CASZ1: variants seen among roughly 807,000 people sequenced by gnomAD.
The protein encoded by CASZ1 is zinc finger protein castor homolog 1.
A neutral mutation model predicts 135.2 loss-of-function variants in CASZ1; 28 were observed. That is an observed-to-expected ratio of 0.21 (90% CI 0.15 to 0.28). The LOEUF (loss-of-function observed/expected upper bound fraction) is 0.28. Among genes scored for constraint, CASZ1 ranks in the 10% least tolerant of loss-of-function variants. The pLI is 1.00. For synonymous variants in CASZ1, 1,068 were observed against 1,073.4 expected (o/e 0.99, Z 0.10); for missense variants, 2,161 against 2,453.3 (o/e 0.88, Z 2.52).
chr1:10,654,290 G>A (rs1642712741), intron 10 of CASZ1, 72 bp from the exon 11 acceptor site: 8 of 1,585,210 alleles, frequency 5.0e-6, no homozygotes, highest in African/African-American at 1.3e-5. Context: ...GGCCCTGGGA[G>A]GGACAGTCCC....
At chr1:10,742,899 T>C (rs1639951117) in intron 2 of CASZ1, among the ~76,000 whole-genome samples, 1 of 151,840 alleles carries the variant, frequency 6.6e-6, no homozygotes, top group South Asian at 2.1e-4. Flanking sequence ...ATGGGAGAAT[T>C]GCTTGAACCC....
rs771588767 is a variant in CASZ1 at position 10,643,166 on chromosome 1, G to C, written c.4014C>G (p.Pro1338=). The C allele has an allele frequency of 4.3e-6, 7 of 1,610,924 alleles. No individual in the cohort carries two copies. The East Asian group carries it at 6.7e-5, about 15-fold the overall frequency. ...ACCTGGGGGGGGCTCTCACCTGGGA[G>C]GGGGGCACGCGGTCGAAGTTCTTCC... ...MLGKNFDRVP[P]SQGPPGLMDA... The change falls in exon 19 of 21, where the codon CCC becomes CCG. Residue 1338 remains proline, a synonymous_variant. Coordinates refer to ENST00000377022, the MANE Select transcript of CASZ1 (RefSeq NM_001079843.3).
rs1643263949 is a variant in CASZ1 at position 10,667,208 on chromosome 1, C to A, written c.17-1637G>T. 7.2e-5 allele frequency among the ~76,000 whole-genome samples: 11 copies of A among 152,358 alleles called. No individual in the cohort carries two copies. In the South Asian group the frequency reaches 2.3e-3, roughly 32 times the overall value. ...TTGACTCATACGCACAGATAACCGTCCCCTGATAGACACAGTGCCTGGCCG... is the reference window on the plus strand; with the variant it reads ...TTGACTCATACGCACAGATAACCGTACCCTGATAGACACAGTGCCTGGCCG... On this transcript the variant is annotated intron_variant, in intron 4 of 20. Coordinates refer to ENST00000377022, the MANE Select transcript of CASZ1 (RefSeq NM_001079843.3).
Position 10,647,956 on chromosome 1 carries a change from G to T in CASZ1, c.3342C>A (p.Pro1114=), listed in dbSNP as rs1305320427. 3 of 1,611,588 alleles carry T rather than the reference G, an allele frequency of 1.9e-6. No homozygotes were observed. The highest frequency in any genetic ancestry group is 3.3e-5 in the Admixed American group (2 of 59,918). The change falls in exon 16 of 21, where the codon CCC becomes CCA. Residue 1114 remains proline (P), a synonymous_variant. Transcript: ENST00000377022. This position sits in a 1 kb window ranked among gnomAD's most constrained non-coding sequence, Gnocchi z 4.9. ...APSPASVPST[P]TLLAWKQLAS... Reference sequence around the variant, plus strand: ...CCAGCTGCTTCCAGGCGAGCAGGGTGGGGGTGGAGGGCACGGAGGCCGGGC... The same window carrying T: ...CCAGCTGCTTCCAGGCGAGCAGGGTTGGGGTGGAGGGCACGGAGGCCGGGC...
In CASZ1 at chr1:10,775,843, C is replaced by T. The variant is rs1640652981; in HGVS notation, c.-233-14986G>A. Among the ~76,000 whole-genome samples the T allele has an allele frequency of 1.3e-5, 2 of 152,066 alleles. 1 individual carries two copies. The highest frequency in any genetic ancestry group is 4.1e-4 in the South Asian group (2 of 4,830). On this transcript the variant is annotated intron_variant, in intron 1 of 20. Coordinates refer to ENST00000377022, the MANE Select transcript of CASZ1 (RefSeq NM_001079843.3). ...TCTGCCAGCTCTGTGTGTGACATGC[C>T]CTCCTACACCTAGACTCATTCATGC...
rs1361484460 is a variant in CASZ1 at position 10,735,609 on chromosome 1, C to T, written c.-77+25092G>A. Reference sequence around the variant, plus strand: ...CAAGTGCCACGGACAGAAGTTTTGCCTTTACCCATCCCAAATGACTCTCCC... The same window carrying T: ...CAAGTGCCACGGACAGAAGTTTTGCTTTTACCCATCCCAAATGACTCTCCC... On this transcript the variant is annotated intron_variant, in intron 2 of 20. Coordinates refer to ENST00000377022, the MANE Select transcript of CASZ1 (RefSeq NM_001079843.3). The surrounding 1 kb of genome is among the most constrained non-coding windows in gnomAD (Gnocchi z 5.1). Among the ~76,000 whole-genome samples, 2 of 152,214 alleles carry T rather than the reference C, an allele frequency of 1.3e-5. No individual in the cohort carries two copies. Among genetic ancestry groups the T allele is most frequent in the African/African-American group, 2.4e-5 (1 of 41,456 alleles).
At chr1:10,662,275 GCTCA>G (rs57310527) in intron 5 of CASZ1, among the ~76,000 whole-genome samples, 1 of 93,582 alleles carries the variant, frequency 1.1e-5, no homozygotes, top group Non-Finnish European at 2.1e-5. Context: ...ACAGTCACAT[GCTCA>G]CAATCACATA....
chr1:10,691,777 T>A (rs1009451206), intron 4 of CASZ1, among the ~76,000 whole-genome samples: 1 of 152,098 alleles, frequency 6.6e-6, no homozygotes, highest in Admixed American at 6.5e-5. Context: ...CCTTTTTTGG[T>A]GAAGTGGGGG....
Position 10,715,865 on chromosome 1 carries a change from C to T in CASZ1, c.-76-10321G>A, listed in dbSNP as rs189808906. Among the ~76,000 whole-genome samples, 726 of 128,062 alleles carry T rather than the reference C, an allele frequency of 5.7e-3. 63 individuals are homozygous for T. Among genetic ancestry groups the T allele is most frequent in the African/African-American group, 0.019 (561 of 29,776 alleles). The allele number at this position is 128,062 out of a possible 152,430, so 84.0% of individuals were successfully genotyped here. A position where few individuals can be genotyped will look rare whatever the true frequency, so the allele number is the denominator to read the frequency against. ...AATCCACTCCCCGCAGCACCCAATC[C>T]TCTCCCGGCAGCACCCAATCCACAC... is the stretch of plus-strand genomic sequence containing the variant. On this transcript the variant is annotated intron_variant, in intron 2 of 20. Coordinates refer to ENST00000377022, the MANE Select transcript of CASZ1 (RefSeq NM_001079843.3).
chr1:10,643,368 C>T, intron 18 of CASZ1, 57 bp from the exon 19 acceptor site: 1 of 1,588,480 alleles, frequency 6.3e-7, no homozygotes, highest in East Asian at 2.3e-5. Context: ...TCATGGCTTC[C>T]AGGTCCTGTT....
intron 2 of CASZ1, among the ~76,000 whole-genome samples, chr1:10,754,336 C>A (rs1447384535): frequency 6.6e-6 from 1 of 152,200 alleles, no homozygotes; most frequent in Non-Finnish European, 1.5e-5. Context: ...CTCATGAGGG[C>A]AGGACGTTGG....
At chr1:10,649,227 G>T in intron 14 of CASZ1, 35 bp from the exon 15 acceptor site, 1 of 1,610,008 alleles carries the variant, frequency 6.2e-7, no homozygotes, top group South Asian at 1.1e-5. Context: ...GGAGAGCCTG[G>T]GGCTCCAGGG....
At chr1:10,733,876 C>G (rs149216120) in intron 2 of CASZ1, among the ~76,000 whole-genome samples, 58 of 152,308 alleles carry the variant, frequency 3.8e-4, no homozygotes, top group African/African-American at 1.2e-3. Context: ...CCTCACAGGG[C>G]TGCTGAAGGA....
intron 19 of CASZ1, 78 bp downstream of exon 19, chr1:10,643,082 A>G: frequency 6.3e-7 from 1 of 1,594,436 alleles, no homozygotes; most frequent in South Asian, 1.1e-5. Context: ...TCCATGCAGC[A>G]CAGGCCTGAG....
rs41274488 is a variant in CASZ1 at position 10,649,315 on chromosome 1, C to T, written c.3003G>A (p.Lys1001=). The change falls in exon 14 of 21, where the codon AAG becomes AAA. Residue 1001 remains lysine, a synonymous_variant. Coordinates refer to ENST00000377022, the MANE Select transcript of CASZ1 (RefSeq NM_001079843.3). The part of the protein sequence containing the change: ...GKAVKALVQE[K]LAEPWKVYLR... ...GGTACACCTTCCAGGGCTCTGCCAA[C>T]TTCTCCTGAACCAGCGCCTTCACGG... 1.4e-5 allele frequency: 22 copies of T among 1,597,052 alleles called. No homozygotes were observed. The highest frequency in any genetic ancestry group is 1.7e-5 in the Non-Finnish European group (20 of 1,171,862).
Position 10,725,530 on chromosome 1 carries a change from C to T in CASZ1, c.-76-19986G>A, listed in dbSNP as rs1218479462. 1.3e-5 allele frequency among the ~76,000 whole-genome samples: 2 copies of T among 152,180 alleles called. No individual in the cohort carries two copies. Among genetic ancestry groups the T allele is most frequent in the Non-Finnish European group, 2.9e-5 (2 of 68,036 alleles). On this transcript the variant is annotated intron_variant, in intron 2 of 20. Coordinates refer to ENST00000377022, the MANE Select transcript of CASZ1 (RefSeq NM_001079843.3). The surrounding 1 kb of genome is among the most constrained non-coding windows in gnomAD (Gnocchi z 4.4). ...AAACCTGACATTTTAAATTAATTTA[C>T]AGCCACAACAAAAAGAGTTCAGAAT... is the stretch of plus-strand genomic sequence containing the variant.
In CASZ1 at chr1:10,747,747, A is replaced by G. The variant is rs1417509895; in HGVS notation, c.-77+12954T>C. On this transcript the variant is annotated intron_variant, in intron 2 of 20. Transcript: ENST00000377022. The surrounding 1 kb of genome is among the most constrained non-coding windows in gnomAD (Gnocchi z 4.3). Reference sequence around the variant, plus strand: ...CCTGGAATTAGGGGTGTCTCACCACACCTAGCTCCCCCTCCAGAATGAGCA... The same window carrying G: ...CCTGGAATTAGGGGTGTCTCACCACGCCTAGCTCCCCCTCCAGAATGAGCA... Among the ~76,000 whole-genome samples, 3 of 151,518 alleles carry G rather than the reference A, an allele frequency of 2.0e-5. No individual in the cohort carries two copies. Among genetic ancestry groups the G allele is most frequent in the African/African-American group, 7.3e-5 (3 of 41,170 alleles).
chr1:10,641,416 C>T lies in CASZ1; in HGVS notation c.4163-1357G>A, dbSNP rs562816160. Among the ~76,000 whole-genome samples the T allele has an allele frequency of 1.4e-4, 21 of 150,514 alleles. 1 individual carries two copies. The highest frequency in any genetic ancestry group is 8.6e-4 in the South Asian group (4 of 4,642). ...AAGAATTAGCAGAGGAGTCCGAGCC[C>T]GGGTGGTGTCTACGCTCAAGGGAGG... On this transcript the variant is annotated intron_variant, in intron 20 of 20. Transcript: ENST00000377022.
Position 10,724,863 on chromosome 1 carries a change from G to T in CASZ1, c.-76-19319C>A, listed in dbSNP as rs1639568518. Reference sequence around the variant, plus strand: ...ACAGCCAACCTGGGGAAGAGAAGGTGCTCAACTTCTCTCTTTCTCCTCTTT... The same window carrying T: ...ACAGCCAACCTGGGGAAGAGAAGGTTCTCAACTTCTCTCTTTCTCCTCTTT... On this transcript the variant is annotated intron_variant, in intron 2 of 20. Coordinates refer to ENST00000377022, the MANE Select transcript of CASZ1 (RefSeq NM_001079843.3). This position sits in a 1 kb window ranked among gnomAD's most constrained non-coding sequence, Gnocchi z 4.1. Among the ~76,000 whole-genome samples, 1 of 152,218 alleles carries T rather than the reference G, an allele frequency of 6.6e-6. No homozygotes were observed. Among genetic ancestry groups the T allele is most frequent in the Non-Finnish European group, 1.5e-5 (1 of 68,022 alleles).
Sources: gnomAD v4.1 joint callset for allele counts (sites outside exome capture counted in the v4.1 genomes callset) on GRCh38, gnomAD v4.1.1 for gene constraint, Gnocchi (gnomAD v3.1) non-coding constraint, MANE v1.5 for transcripts, NCBI Gene and HGNC (gene_info 2026-07-23, HGNC 2026-07-21) for gene names.